Variants in GPC5 observed in about 807,000 individuals in gnomAD.
The protein encoded by GPC5 is glypican-5.
A neutral mutation model predicts 53.9 loss-of-function variants in GPC5; 47 were observed. That is an observed-to-expected ratio of 0.87 (90% CI 0.69 to 1.11). The LOEUF (loss-of-function observed/expected upper bound fraction) is 1.11, where lower values mean the gene tolerates loss of function less well. Ranked by LOEUF, GPC5 falls within the 50% of genes most tolerant of loss-of-function variation. The pLI, the probability that GPC5 is intolerant of heterozygous loss-of-function variation, is 0.00. For synonymous variants in GPC5, 286 were observed against 263.3 expected (o/e 1.09, Z -0.84); for missense variants, 748 against 713.1 (o/e 1.05, Z -0.56).
chr13:92,499,114 T>G (rs1420294092), intron 7 of GPC5, among the ~76,000 whole-genome samples: 1 of 152,084 alleles, frequency 6.6e-6, no homozygotes, highest in Non-Finnish European at 1.5e-5. Flanking sequence ...AAAAATAGTT[T>G]GGATGTAAGA....
intron 7 of GPC5, among the ~76,000 whole-genome samples, chr13:92,338,054 G>T (rs1594110627): frequency 6.6e-6 from 1 of 151,926 alleles, no homozygotes; most frequent in East Asian, 1.9e-4. Context: ...AATTGCAAAA[G>T]ATACAGCAGA....
At chr13:92,301,336 A>G (rs2043073906) in intron 7 of GPC5, among the ~76,000 whole-genome samples, 1 of 152,168 alleles carries the variant, frequency 6.6e-6, no homozygotes, top group Non-Finnish European at 1.5e-5. Flanking sequence ...GAACTGTGCC[A>G]AGACATGAAA....
At chr13:92,403,826 A>G (rs1398487793) in intron 7 of GPC5, among the ~76,000 whole-genome samples, 1 of 152,210 alleles carries the variant, frequency 6.6e-6, no homozygotes, top group Non-Finnish European at 1.5e-5. Flanking sequence ...TGCTGATTTT[A>G]CATTATTTTG....
chr13:92,342,286 T>C (rs779553218), intron 7 of GPC5, among the ~76,000 whole-genome samples: 2 of 152,164 alleles, frequency 1.3e-5, no homozygotes, highest in Non-Finnish European at 2.9e-5. Context: ...TCCCCTGGAA[T>C]ATTGCAGTAG....
chr13:92,596,554 ACCTCTGGCTTCT>A (rs1357882588), intron 7 of GPC5, among the ~76,000 whole-genome samples: 1 of 152,030 alleles, frequency 6.6e-6, no homozygotes, highest in Non-Finnish European at 1.5e-5. Flanking sequence ...GCTCACTGCA[ACCTCTGGCTTCT>A]GGGTTCAAGC....
intron 7 of GPC5, among the ~76,000 whole-genome samples, chr13:92,644,131 C>T (rs7334843): frequency 0.93 from 141,309 of 152,200 alleles, 65,654 homozygotes; most frequent in South Asian, 0.97. Context: ...AAAGTGTGCA[C>T]TGAAAGCTTG....
At chr13:91,417,636 G>A (rs1208527563) in intron 1 of GPC5, among the ~76,000 whole-genome samples, 1 of 152,158 alleles carries the variant, frequency 6.6e-6, no homozygotes, top group African/African-American at 2.4e-5. Context: ...TTTACTACTG[G>A]AGACAATGTG....
chr13:92,341,827 A>T (rs1014238529), intron 7 of GPC5, among the ~76,000 whole-genome samples: 11 of 152,124 alleles, frequency 7.2e-5, no homozygotes, highest in African/African-American at 2.2e-4. Flanking sequence ...AAATATTAAG[A>T]AAATCTAGGC....
chr13:91,689,404 T>C (rs1947597988), intron 2 of GPC5, among the ~76,000 whole-genome samples: 1 of 149,440 alleles, frequency 6.7e-6, no homozygotes, highest in South Asian at 2.1e-4. Flanking sequence ...AAATACTGTA[T>C]ACTTAGGCTA....
chr13:91,617,899 A>C (rs1028374551), intron 2 of GPC5, among the ~76,000 whole-genome samples: 1 of 152,140 alleles, frequency 6.6e-6, no homozygotes, highest in Non-Finnish European at 1.5e-5. Flanking sequence ...GACAATATAT[A>C]ACAAATGGGC....
intron 7 of GPC5, among the ~76,000 whole-genome samples, chr13:92,517,381 C>T (rs1348769099): frequency 6.6e-6 from 1 of 152,242 alleles, no homozygotes; most frequent in Non-Finnish European, 1.5e-5. Context: ...AATGGACAGA[C>T]TGCCTCCTCA....
At chr13:92,753,127 T>G (rs1023557176) in intron 7 of GPC5, among the ~76,000 whole-genome samples, 4 of 152,114 alleles carry the variant, frequency 2.6e-5, no homozygotes, top group Admixed American at 6.5e-5. Flanking sequence ...CTCCCAGCAC[T>G]CAGCTGGAGA....
chr13:92,062,565 G>C (rs776233520), intron 6 of GPC5, among the ~76,000 whole-genome samples: 23 of 151,964 alleles, frequency 1.5e-4, no homozygotes, highest in Non-Finnish European at 2.9e-4. Flanking sequence ...TATTATCTAA[G>C]ATATTTCCCT....
At chr13:91,815,346 A>T (rs2038383140) in intron 5 of GPC5, among the ~76,000 whole-genome samples, 1 of 152,052 alleles carries the variant, frequency 6.6e-6, no homozygotes, top group Non-Finnish European at 1.5e-5. Flanking sequence ...TCCAGCCTGG[A>T]AGACAAAGTA....
chr13:92,449,270 G>A (rs1877960134), intron 7 of GPC5, among the ~76,000 whole-genome samples: 1 of 152,152 alleles, frequency 6.6e-6, no homozygotes, highest in Non-Finnish European at 1.5e-5. Context: ...TTTGGTGCCA[G>A]TGGACTGAGG....
intron 7 of GPC5, among the ~76,000 whole-genome samples, chr13:92,631,167 A>C (rs1566331010): frequency 1.3e-5 from 2 of 152,066 alleles, no homozygotes; most frequent in African/African-American, 4.8e-5. Context: ...CGTTGAGATA[A>C]TTAAATGAGA....
intron 7 of GPC5, among the ~76,000 whole-genome samples, chr13:92,381,910 A>T (rs1465190273): frequency 3.9e-5 from 5 of 127,578 alleles, no homozygotes; most frequent in African/African-American, 1.3e-4. Context: ...CATATATATG[A>T]TATATATAAT....
intron 5 of GPC5, among the ~76,000 whole-genome samples, chr13:91,831,262 G>A (rs1054516519): frequency 7.9e-5 from 12 of 151,398 alleles, no homozygotes; most frequent in African/African-American, 2.9e-4. Context: ...CATCCAGCAT[G>A]AGAGAAAGAT....
At chr13:91,871,963 C>T (rs575073300) in intron 5 of GPC5, among the ~76,000 whole-genome samples, 9 of 151,942 alleles carry the variant, frequency 5.9e-5, no homozygotes, top group East Asian at 1.9e-4. Context: ...GGCAAAATTG[C>T]GGTGGAAAGA....
Sources: allele counts gnomAD v4.1 joint callset (sites outside exome capture counted in the v4.1 genomes callset), GRCh38; gene constraint gnomAD v4.1.1; transcripts MANE v1.5; gene names NCBI Gene and HGNC (gene_info 2026-07-23, HGNC 2026-07-21).